ASCC2: variants seen among roughly 807,000 people sequenced by gnomAD.
ASCC2 encodes activating signal cointegrator 1 complex subunit 2.
A neutral mutation model predicts 93.5 loss-of-function variants in ASCC2; 42 were observed. That is an observed-to-expected ratio of 0.45 (90% confidence interval 0.35 to 0.58). The LOEUF (loss-of-function observed/expected upper bound fraction) is 0.58, where lower values mean the gene tolerates loss of function less well. Ranked by LOEUF, ASCC2 falls within the 20% of genes least tolerant of loss-of-function variation. The pLI is 0.00. For missense variants in ASCC2, 859 were observed against 977.6 expected, an observed-to-expected ratio of 0.88 and a Z score of 1.62; for synonymous variants, 364 against 384.2, an observed-to-expected ratio of 0.95 and a Z score of 0.62.
intron 15 of ASCC2, among the ~76,000 whole-genome samples, chr22:29,795,700 C>T (rs1156351611): frequency 6.6e-6 from 1 of 152,168 alleles, no homozygotes; most frequent in Non-Finnish European, 1.5e-5. Context: ...GGAGAAGGAA[C>T]ATGTTTGGGT....
chr22:29,810,919 TG>T lies in ASCC2; in HGVS notation c.833+2510del, dbSNP rs373183490. Among the ~76,000 whole-genome samples the T allele has an allele frequency of 6.0e-3, 913 of 152,084 alleles. 39 individuals are homozygous for T. In the East Asian group the frequency reaches 0.12, roughly 20 times the overall value. On this transcript the variant is annotated intron_variant, in intron 8 of 19. Transcript: ENST00000307790. The stretch of plus-strand genomic sequence containing the variant: ...CTAATTTTTGTATTTTTAGTAGAGG[TG>T]GGGTTTCACCATGTTGGCCAGGCTG...
At chr22:29,822,132 A>G in intron 5 of ASCC2, 1 of 642,612 alleles carries the variant, frequency 1.6e-6, no homozygotes. Context: ...TCTGGTACAC[A>G]GTTTTATTTC....
chr22:29,791,873 G>A (rs1054091674), intron 18 of ASCC2, among the ~76,000 whole-genome samples: 4 of 152,306 alleles, frequency 2.6e-5, no homozygotes, highest in South Asian at 2.1e-4. Context: ...ACCAGGCCCC[G>A]CTACTCATTG....
intron 13 of ASCC2, 86 bp downstream of exon 13, chr22:29,804,548 CAAAG>C (rs2059455702): frequency 2.0e-6 from 3 of 1,501,612 alleles, no homozygotes; most frequent in Non-Finnish European, 2.7e-6. Context: ...AGTATAAAAG[CAAAG>C]AAGGGAGGTT....
rs553489364 is a variant in ASCC2, at chr22:29,825,878, G to A, written c.82-98C>T. Reference sequence around the variant, plus strand: ...ATGACAACACTTGGCTGTTCCAACCGGTGACCCTCCAAGGAGCTTTTAAGC... The same window carrying A: ...ATGACAACACTTGGCTGTTCCAACCAGTGACCCTCCAAGGAGCTTTTAAGC... On this transcript the variant is annotated intron_variant, in intron 2 of 19. Coordinates refer to ENST00000307790, the MANE Select transcript of ASCC2 (RefSeq NM_032204.5). The surrounding 1 kb of genome is among the most constrained non-coding windows in gnomAD (Gnocchi z 4.9). 1.7e-4 allele frequency: 238 copies of A among 1,414,512 alleles called. 1 individual carries two copies. The highest frequency in any genetic ancestry group is 2.1e-4 in the Non-Finnish European group (221 of 1,039,662). 87.6% of individuals were successfully genotyped at this position (1,414,512 alleles called of 1,614,324 possible).
intron 5 of ASCC2, among the ~76,000 whole-genome samples, chr22:29,821,629 T>C (rs2061561541): frequency 6.6e-6 from 1 of 152,248 alleles, no homozygotes; most frequent in African/African-American, 2.4e-5. Context: ...TAGTTATCAC[T>C]GCTGTTCTTA....
chr22:29,809,358 A>T (rs1030086984), intron 8 of ASCC2, among the ~76,000 whole-genome samples: 14 of 152,130 alleles, frequency 9.2e-5, no homozygotes, highest in African/African-American at 3.1e-4. Flanking sequence ...TTAGTTAACT[A>T]ATTAATTTTT....
At position 29,789,075 on chromosome 22, in the gene ASCC2, C is replaced by T; in HGVS notation, c.2212G>A (p.Ala738Thr). Reference sequence around the variant, plus strand: ...GCCATGGTTCTCCGGTTGTGGTTGGCTCTTGTCGCCTTGTTGGCTTCCTTC... The same window carrying T: ...GCCATGGTTCTCCGGTTGTGGTTGGTTCTTGTCGCCTTGTTGGCTTCCTTC... ...RKKEANKATR[A>T]NHNRRTMADR... Residue 738 changes from alanine (A) to threonine (T), a missense_variant, in exon 20 of 20, where the codon GCC becomes ACC. Coordinates refer to ENST00000307790, the MANE Select transcript of ASCC2 (RefSeq NM_032204.5). The T allele has an allele frequency of 6.2e-7, 1 of 1,614,204 alleles. No individual in the cohort carries two copies. Among genetic ancestry groups the T allele is most frequent in the South Asian group, 1.1e-5 (1 of 91,088 alleles).
chr22:29,814,309 G>A (rs1380659938), intron 7 of ASCC2, among the ~76,000 whole-genome samples: 3 of 152,216 alleles, frequency 2.0e-5, no homozygotes, highest in Non-Finnish European at 4.4e-5. Flanking sequence ...CACAGGGTCT[G>A]GCACATGCTC....
At chr22:29,831,776 G>A (rs964696303) in intron 2 of ASCC2, among the ~76,000 whole-genome samples, 6 of 152,252 alleles carry the variant, frequency 3.9e-5, no homozygotes, top group Admixed American at 3.3e-4. Flanking sequence ...TAGCTCTGCC[G>A]GGGTGTTTGT....
intron 5 of ASCC2, among the ~76,000 whole-genome samples, chr22:29,817,267 T>A (rs1282983055): frequency 6.6e-6 from 1 of 152,046 alleles, no homozygotes; most frequent in Non-Finnish European, 1.5e-5. Flanking sequence ...CTACTCCTGA[T>A]AGGCAAGGAA....
intron 1 of ASCC2, 93 bp from the exon 2 acceptor site, chr22:29,832,435 G>C (rs1188366507): frequency 7.1e-6 from 7 of 982,642 alleles, no homozygotes; most frequent in African/African-American, 1.6e-5. Context: ...CAGAAGAGAA[G>C]CTTCAACCTC....
intron 5 of ASCC2, among the ~76,000 whole-genome samples, chr22:29,820,930 AAAG>A (rs2061481544): frequency 6.6e-6 from 1 of 151,742 alleles, no homozygotes; most frequent in Non-Finnish European, 1.5e-5. Flanking sequence ...AAAAAAAAAA[AAAG>A]GAAAGAATAA....
At chr22:29,817,715 A>G (rs774731524) in intron 5 of ASCC2, among the ~76,000 whole-genome samples, 3 of 152,128 alleles carry the variant, frequency 2.0e-5, no homozygotes, top group Non-Finnish European at 4.4e-5. Context: ...ATCAAATTTC[A>G]TACTCTATTC....
rs557479737 is a variant in ASCC2 at position 29,820,186 on chromosome 22, G to A, written c.541+2149C>T. 1.1e-4 allele frequency among the ~76,000 whole-genome samples: 16 copies of A among 144,292 alleles called. No individual in the cohort carries two copies. The East Asian group carries it at 2.3e-3, about 21-fold the overall frequency. The allele number at this position is 144,292 out of a possible 152,430, so 94.7% of individuals were successfully genotyped here. ...TCTTTTTTTCTTTTTTTTCTGAGACGGAGTCTCGCACTGTCACCCAGGCTG... is the reference window on the plus strand; with the variant it reads ...TCTTTTTTTCTTTTTTTTCTGAGACAGAGTCTCGCACTGTCACCCAGGCTG... On this transcript the variant is annotated intron_variant, in intron 5 of 19. Transcript: ENST00000307790.
At chr22:29,820,913 C>CAAAA (rs376815823) in intron 5 of ASCC2, among the ~76,000 whole-genome samples, 3 of 69,276 alleles carry the variant, frequency 4.3e-5, no homozygotes, top group Non-Finnish European at 7.2e-5. Context: ...TCTCAATACA[C>CAAAA]AAAAAAAAAA....
chr22:29,824,290 ACT>A (rs1223477436), intron 4 of ASCC2, among the ~76,000 whole-genome samples: 4 of 147,458 alleles, frequency 2.7e-5, no homozygotes, highest in South Asian at 2.2e-4. Flanking sequence ...ACACACACAC[ACT>A]CAAAGGGAAC....
intron 15 of ASCC2, among the ~76,000 whole-genome samples, chr22:29,800,748 T>A (rs2058985958): frequency 6.6e-6 from 1 of 152,200 alleles, no homozygotes; most frequent in African/African-American, 2.4e-5. Context: ...TTGGCCCTTC[T>A]GGCCTTTTGC....
intron 15 of ASCC2, among the ~76,000 whole-genome samples, chr22:29,793,894 A>C (rs573418656): frequency 6.8e-6 from 1 of 146,534 alleles, no homozygotes; most frequent in East Asian, 2.0e-4. Context: ...GCATCCCAAG[A>C]GCCACTGTTT....
Sources: allele counts gnomAD v4.1 joint callset (sites outside exome capture counted in the v4.1 genomes callset), GRCh38; gene constraint gnomAD v4.1.1; non-coding constraint Gnocchi (gnomAD v3.1); transcripts MANE v1.5; gene names NCBI Gene and HGNC (gene_info 2026-07-23, HGNC 2026-07-21).